Variants in MCF2L2 observed in about 807,000 individuals in gnomAD.
MCF2L2 encodes probable guanine nucleotide exchange factor MCF2L2.
A neutral mutation model predicts 150.2 loss-of-function variants in MCF2L2; 102 were observed. The observed-to-expected ratio is 0.68, with a 90% CI of 0.58 to 0.80. The LOEUF (loss-of-function observed/expected upper bound fraction) is 0.80. Among genes scored for constraint, MCF2L2 ranks in the 30% least tolerant of loss-of-function variants. The probability of loss-of-function intolerance (pLI) is 0.00; values close to 1 mark genes in which losing one functional copy is unlikely to be tolerated. For synonymous variants in MCF2L2, 465 were observed against 491.3 expected (o/e 0.95, Z 0.71); for missense variants, 1,256 against 1,372.8 (o/e 0.91, Z 1.34).
chr3:183,198,836 T>C (rs1369983601), intron 25 of MCF2L2, among the ~76,000 whole-genome samples: 3 of 152,186 alleles, frequency 2.0e-5, no homozygotes, highest in Non-Finnish European at 4.4e-5. Flanking sequence ...TAGAATGTTG[T>C]TTCTGCAGGG....
Position 183,276,882 on chromosome 3 carries a change from A to G in MCF2L2, c.1852T>C (p.Ser618Pro), listed in dbSNP as rs201934832. The G allele has an allele frequency of 1.2e-5, 19 of 1,607,870 alleles. 1 individual carries two copies. The African/African-American group carries it at 2.1e-4, about 18-fold the overall frequency. The part of the protein sequence containing the change: ...LEQQARLGDL[S>P]PRRRIIRDLL... ...GATGTGCAGTCTTACCTGCGGGGGG[A>G]AAGGTCTCCGAGCCTGGCCTGCTGC... The change falls in exon 15 of 30, where the codon TCC (serine) becomes CCC (proline). Residue 618 changes from serine (S) to proline (P), a missense_variant. Ser to Pro is a moderately conservative substitution (Grantham distance 74). Transcript: ENST00000328913.
In MCF2L2 at chr3:183,206,187, C is replaced by G; in HGVS notation, c.2740G>C (p.Gly914Arg). ...KLMTLSIRQL[G>R]RGSHRKFEIA... is the part of the protein sequence containing the mutation. ...TCAAACTTTCTATGGCTCCCCCTTC[C>G]AAGCTGGCGAATTGAAAGTGTCATC... The change falls in exon 24 of 30, where the codon GGA (glycine) becomes CGA (arginine). Residue 914 changes from glycine (G) to arginine (R), a missense_variant. Transcript: ENST00000328913. 1 of 1,614,096 alleles carries G rather than the reference C, an allele frequency of 6.2e-7. No homozygotes were observed. Among genetic ancestry groups the G allele is most frequent in the Non-Finnish European group, 8.5e-7 (1 of 1,179,954 alleles).
At chr3:183,192,720 G>A (rs542472781) in intron 27 of MCF2L2, 1 of 352,178 alleles carries the variant, frequency 2.8e-6, no homozygotes, top group South Asian at 8.3e-5. Flanking sequence ...AGTTGACTAA[G>A]AGTAACTAAA....
At chr3:183,266,948 G>A (rs1031152878) in intron 15 of MCF2L2, among the ~76,000 whole-genome samples, 4 of 151,952 alleles carry the variant, frequency 2.6e-5, no homozygotes, top group Admixed American at 1.3e-4. Flanking sequence ...CACCACACCC[G>A]GCTAATTTTT....
At chr3:183,199,234 A>C (rs1722175553) in intron 25 of MCF2L2, among the ~76,000 whole-genome samples, 1 of 152,230 alleles carries the variant, frequency 6.6e-6, no homozygotes. Context: ...CATTCCTGCT[A>C]TCTCTAAAGA....
intron 22 of MCF2L2, 44 bp downstream of exon 22, chr3:183,215,925 C>T (rs754189785): frequency 1.0e-5 from 16 of 1,594,848 alleles, no homozygotes; most frequent in East Asian, 2.3e-5. Flanking sequence ...TAGTATTGCA[C>T]CTGCCTTTTG....
chr3:183,264,927 ATTC>A (rs1281919342), intron 15 of MCF2L2, among the ~76,000 whole-genome samples: 2 of 152,142 alleles, frequency 1.3e-5, no homozygotes, highest in Non-Finnish European at 2.9e-5. Context: ...TCTATTCTTT[ATTC>A]TTCTGACTAC....
At chr3:183,279,924 G>A (rs1727377805) in intron 14 of MCF2L2, among the ~76,000 whole-genome samples, 1 of 152,106 alleles carries the variant, frequency 6.6e-6, no homozygotes, top group South Asian at 2.1e-4. Context: ...AGCTACTCAG[G>A]AGGCTGAGGC....
chr3:183,209,309 TA>T (rs1017262795), intron 22 of MCF2L2, among the ~76,000 whole-genome samples: 2 of 152,192 alleles, frequency 1.3e-5, no homozygotes, highest in African/African-American at 4.8e-5. Flanking sequence ...ATTTGCCACA[TA>T]AACAAATGTT....
chr3:183,279,595 A>G (rs1727359545), intron 14 of MCF2L2, among the ~76,000 whole-genome samples: 1 of 152,204 alleles, frequency 6.6e-6, no homozygotes. Context: ...TGCTGTTGTG[A>G]AAGGGATGTC....
chr3:183,301,808 A>AAAAAAAAAG (rs1728864572), intron 10 of MCF2L2, among the ~76,000 whole-genome samples: 1 of 151,698 alleles, frequency 6.6e-6, no homozygotes, highest in Non-Finnish European at 1.5e-5. Flanking sequence ...AAAAAAAAAA[A>AAAAAAAAAG]AGAGAAAAGA....
intron 1 of MCF2L2, among the ~76,000 whole-genome samples, chr3:183,390,707 G>T (rs1415225838): frequency 6.6e-6 from 1 of 152,164 alleles, no homozygotes; most frequent in African/African-American, 2.4e-5. Context: ...GACCAGCCTG[G>T]TCAACAGAGT....
Position 183,270,124 on chromosome 3 carries a change from G to T in MCF2L2, c.1862+6748C>A. On this transcript the variant is annotated intron_variant, in intron 15 of 29. Transcript: ENST00000328913. The surrounding 1 kb of genome is among the most constrained non-coding windows in gnomAD (Gnocchi z 4.5). ...TATGATCGACGTTCCGGAATTAGAA[G>T]GACGTGGGGCAATGAAAATTATGTT... 6.2e-7 allele frequency: 1 copy of T among 1,614,130 alleles called. No homozygotes were observed. The highest frequency in any genetic ancestry group is 8.5e-7 in the Non-Finnish European group (1 of 1,180,022).
At chr3:183,196,337 T>C (rs1036752492) in intron 25 of MCF2L2, among the ~76,000 whole-genome samples, 4 of 152,182 alleles carry the variant, frequency 2.6e-5, no homozygotes, top group African/African-American at 4.8e-5. Flanking sequence ...AGGGTTATTA[T>C]GCTTAACAAT....
At chr3:183,298,274 T>C (rs571147055) in intron 11 of MCF2L2, 5 of 152,202 alleles carry the variant, frequency 3.3e-5, no homozygotes, top group Non-Finnish European at 7.3e-5. Flanking sequence ...TGAAGAGTTA[T>C]ATGAAAAGAA....
In MCF2L2 at chr3:183,389,631, G is replaced by C. The variant is rs1239563735; in HGVS notation, c.160+65C>G. 7.4e-6 allele frequency: 10 copies of C among 1,357,016 alleles called. No individual in the cohort carries two copies. In the Admixed American group the frequency reaches 1.7e-4, roughly 23 times the overall value. 84.1% of individuals were successfully genotyped at this position (1,357,016 alleles called of 1,614,324 possible). A position where few individuals can be genotyped will look rare whatever the true frequency, so the allele number is the denominator to read the frequency against. On this transcript the variant is annotated intron_variant, in intron 2 of 29. Coordinates refer to ENST00000328913, the MANE Select transcript of MCF2L2 (RefSeq NM_015078.4). The stretch of plus-strand genomic sequence containing the variant: ...GTATAACATTCCTCAAGGTTCAAGA[G>C]GCTGGACCTTCCCATCAAGACCCCC...
At chr3:183,229,833 C>G (rs759646898) in intron 16 of MCF2L2, 52 bp from the exon 17 acceptor site, 7 of 759,770 alleles carry the variant, frequency 9.2e-6, no homozygotes, top group Middle Eastern at 2.4e-4. Context: ...TACCAGAGAT[C>G]ATCTGAATTA....
intron 25 of MCF2L2, among the ~76,000 whole-genome samples, chr3:183,196,214 C>T (rs1364225586): frequency 6.6e-6 from 1 of 152,168 alleles, no homozygotes; most frequent in Non-Finnish European, 1.5e-5. Context: ...GATACAATGT[C>T]CTCTTCTGTC....
chr3:183,268,836 C>A (rs193088125), intron 15 of MCF2L2, among the ~76,000 whole-genome samples: 123 of 152,246 alleles, frequency 8.1e-4, no homozygotes, highest in Non-Finnish European at 1.4e-3. Flanking sequence ...TGCTTGTTGG[C>A]TACATTCTGT....
Sources: allele counts gnomAD v4.1 joint callset (sites outside exome capture counted in the v4.1 genomes callset), GRCh38; gene constraint gnomAD v4.1.1; non-coding constraint Gnocchi (gnomAD v3.1); transcripts MANE v1.5; gene names NCBI Gene and HGNC (gene_info 2026-07-23, HGNC 2026-07-21).